The following FHOD3 variants were observed in gnomAD, a reference collection of about 807,000 sequenced individuals.
FHOD3 encodes formin homology 2 domain containing 3.
Under a neutral mutation model 173.0 loss-of-function variants are expected in FHOD3, and 90 were observed. The ratio of observed to expected loss-of-function variants is 0.52; its 90% confidence interval spans 0.44 to 0.62. The LOEUF is 0.62. Ranked by LOEUF, FHOD3 falls within the 20% of genes least tolerant of loss-of-function variation. The probability of loss-of-function intolerance (pLI) is 0.00; values close to 1 mark genes in which losing one functional copy is unlikely to be tolerated. For synonymous variants in FHOD3, 828 were observed against 823.0 expected (o/e 1.01, Z -0.10); for missense variants, 1,945 against 2,034.7 (o/e 0.96, Z 0.85).
chr18:36,495,965 G>A (rs1209494504), intron 3 of FHOD3, among the ~76,000 whole-genome samples: 1 of 152,190 alleles, frequency 6.6e-6, no homozygotes, highest in East Asian at 1.9e-4. Context: ...CATAGGAAAT[G>A]GATCCAAGAG....
chr18:36,297,973 C>G lies in FHOD3; in HGVS notation c.138C>G (p.Val46=). The change falls in exon 1 of 29, where the codon GTC becomes GTG. Residue 46 remains valine, a synonymous_variant. Transcript: ENST00000590592. ...DLALGTQLAG[V]HRLLQAPHKL... ...CGCTCGGCACCCAGCTGGCGGGGGT[C>G]CATAGGCTGCTGCAGGCGCCGCACA... 10 of 1,559,346 alleles carry G rather than the reference C, an allele frequency of 6.4e-6. No homozygotes were observed. The highest frequency in any genetic ancestry group is 8.7e-6 in the Non-Finnish European group (10 of 1,154,672).
intron 3 of FHOD3, among the ~76,000 whole-genome samples, chr18:36,477,286 G>A (rs1242211583): frequency 6.6e-6 from 1 of 152,156 alleles, no homozygotes; most frequent in African/African-American, 2.4e-5. Flanking sequence ...AGGAAACAGA[G>A]TCAATGATGG....
At chr18:36,666,556 T>C (rs140154172) in intron 14 of FHOD3, among the ~76,000 whole-genome samples, 113 of 152,344 alleles carry the variant, frequency 7.4e-4, no homozygotes, top group African/African-American at 2.4e-3. Flanking sequence ...TGCCATTTTA[T>C]TATTATTTTT....
intron 8 of FHOD3, among the ~76,000 whole-genome samples, chr18:36,606,018 A>G (rs549025419): frequency 1.3e-5 from 2 of 152,254 alleles, no homozygotes; most frequent in African/African-American, 2.4e-5. Context: ...GGGAGGTACA[A>G]TGAGTAACAA....
In FHOD3 at chr18:36,661,695, A is replaced by G. The variant is rs113598014; in HGVS notation, c.1835+3507A>G. Among the ~76,000 whole-genome samples the G allele has an allele frequency of 3.3e-3, 502 of 152,320 alleles. 3 individuals are homozygous for G. The highest frequency in any genetic ancestry group is 0.012 in the African/African-American group (479 of 41,574). Reference sequence around the variant, plus strand: ...GTTTTCCATTTCTTCCCCAACAAGTATATTCATGTGTTAGATGTTGATAAA... The same window carrying G: ...GTTTTCCATTTCTTCCCCAACAAGTGTATTCATGTGTTAGATGTTGATAAA... On this transcript the variant is annotated intron_variant, in intron 14 of 28. Coordinates refer to ENST00000590592, the MANE Select transcript of FHOD3 (RefSeq NM_001281740.3).
intron 20 of FHOD3, among the ~76,000 whole-genome samples, chr18:36,736,183 G>A (rs556686588): frequency 6.6e-6 from 1 of 152,356 alleles, no homozygotes; most frequent in South Asian, 2.1e-4. Flanking sequence ...ACCAGCAGGA[G>A]CAAAACTCCG....
chr18:36,709,521 C>T, intron 18 of FHOD3, 130 bp downstream of exon 18: 1 of 1,010,090 alleles, frequency 9.9e-7, no homozygotes, highest in Admixed American at 2.8e-5. Flanking sequence ...GTGGCTGTGT[C>T]ACCCAGTGTC....
chr18:36,718,640 G>A lies in FHOD3; in HGVS notation c.3342G>A (p.Leu1114=). The A allele has an allele frequency of 1.9e-6, 3 of 1,614,132 alleles. No homozygotes were observed. Among genetic ancestry groups the A allele is most frequent in the Non-Finnish European group, 2.5e-6 (3 of 1,180,036 alleles). Residue 1114 remains leucine (L), a synonymous_variant, in exon 19 of 29, where the codon CTG becomes CTA. Transcript: ENST00000590592. ...RRCREFLWSK[L]EPIKVDTSRL... ...GCAGAGAATTCCTGTGGTCAAAACT[G>A]GAACCCATTAAGGTGGACACTTCCA...
At chr18:36,552,786 C>T (rs1249706048) in intron 5 of FHOD3, among the ~76,000 whole-genome samples, 2 of 152,136 alleles carry the variant, frequency 1.3e-5, no homozygotes, top group Non-Finnish European at 2.9e-5. Context: ...GCATGAGCCA[C>T]TGCGCCCGGC....
chr18:36,529,880 G>A (rs141623143), intron 5 of FHOD3, among the ~76,000 whole-genome samples: 9 of 152,294 alleles, frequency 5.9e-5, no homozygotes, highest in East Asian at 3.9e-4. Flanking sequence ...GAATCCCATC[G>A]TTCAGCATCG....
intron 6 of FHOD3, among the ~76,000 whole-genome samples, chr18:36,580,000 G>C (rs549564127): frequency 2.1e-4 from 32 of 151,970 alleles, no homozygotes; most frequent in African/African-American, 7.7e-4. Context: ...CTCTGATGTG[G>C]CAACAGCATC....
intron 3 of FHOD3, among the ~76,000 whole-genome samples, chr18:36,466,383 G>A (rs1051664270): frequency 6.6e-6 from 1 of 152,170 alleles, no homozygotes; most frequent in Non-Finnish European, 1.5e-5. Flanking sequence ...GGAGGACTAG[G>A]CAGCTGTTGC....
chr18:36,562,615 T>C (rs892907090), intron 5 of FHOD3, among the ~76,000 whole-genome samples: 1 of 152,214 alleles, frequency 6.6e-6, no homozygotes, highest in Admixed American at 6.5e-5. Context: ...TCCACAGTTC[T>C]CTGCCTCATT....
intron 10 of FHOD3, among the ~76,000 whole-genome samples, chr18:36,633,235 C>T (rs778253260): frequency 2.6e-5 from 4 of 152,220 alleles, no homozygotes; most frequent in Non-Finnish European, 4.4e-5. Context: ...AGCCCAATCA[C>T]CCAACTTCTC....
At chr18:36,638,018 AT>A (rs775644052) in intron 10 of FHOD3, among the ~76,000 whole-genome samples, 45 of 152,328 alleles carry the variant, frequency 3.0e-4, no homozygotes, top group Middle Eastern at 3.4e-3. Flanking sequence ...CTAGATGTTT[AT>A]TCACCAAATG....
chr18:36,762,459 T>G (rs750346028), intron 27 of FHOD3, among the ~76,000 whole-genome samples: 5 of 152,226 alleles, frequency 3.3e-5, no homozygotes, highest in Admixed American at 6.5e-5. Flanking sequence ...ACTCTAGTTC[T>G]CTTTTCTTCT....
intron 1 of FHOD3, among the ~76,000 whole-genome samples, chr18:36,303,037 G>A (rs1035144658): frequency 6.6e-6 from 1 of 152,176 alleles, no homozygotes; most frequent in African/African-American, 2.4e-5. Context: ...GCAACGATCT[G>A]GGTTGGAATA....
At chr18:36,625,866 C>G (rs1419809604) in intron 10 of FHOD3, 117 bp downstream of exon 10, 3 of 824,308 alleles carry the variant, frequency 3.6e-6, no homozygotes. Flanking sequence ...CAGCATTGCT[C>G]CCTACCTCTT....
intron 6 of FHOD3, among the ~76,000 whole-genome samples, chr18:36,583,148 G>C (rs2058913668): frequency 6.6e-6 from 1 of 152,206 alleles, no homozygotes; most frequent in South Asian, 2.1e-4. Context: ...GGTTGACACT[G>C]ATCAGTCAAG....
Sources: gnomAD v4.1 joint callset for allele counts (sites outside exome capture counted in the v4.1 genomes callset) on GRCh38, gnomAD v4.1.1 for gene constraint, MANE v1.5 for transcripts, NCBI Gene and HGNC (gene_info 2026-07-23, HGNC 2026-07-21) for gene names.